Variants in GAB2 observed in about 807,000 individuals in gnomAD.
GAB2 encodes the protein GRB2-associated-binding protein 2.
GAB2 carries 26 observed loss-of-function variants against 65.5 expected under a neutral mutation model. The observed-to-expected ratio is 0.40, with a 90% CI of 0.29 to 0.55. The LOEUF is 0.55. GAB2 is among the 20% of genes least tolerant of loss of function. The pLI is 0.53. For synonymous variants in GAB2, 321 were observed against 329.6 expected, an observed-to-expected ratio of 0.97 and a Z score of 0.28; for missense variants, 884 against 875.8, an observed-to-expected ratio of 1.01 and a Z score of -0.12.
In GAB2 at chr11:78,385,675, T is replaced by G. The variant is rs534946778; in HGVS notation, c.75+31971A>C. On this transcript the variant is annotated intron_variant, in intron 1 of 9. Coordinates refer to ENST00000361507, the MANE Select transcript of GAB2 (RefSeq NM_080491.3). ...TGCAGGAGAAACTTTAGTAGGCAGTTGAGCCTTCTTAGACACCAGAAACTC... is the reference window on the plus strand; with the variant it reads ...TGCAGGAGAAACTTTAGTAGGCAGTGGAGCCTTCTTAGACACCAGAAACTC... Among the ~76,000 whole-genome samples the G allele has an allele frequency of 2.7e-4, 41 of 152,328 alleles. No individual in the cohort carries two copies. In the South Asian group the frequency reaches 8.5e-3, roughly 32 times the overall value.
chr11:78,318,916 A>G (rs1855669300), intron 1 of GAB2, among the ~76,000 whole-genome samples: 1 of 152,192 alleles, frequency 6.6e-6, no homozygotes, highest in Admixed American at 6.5e-5. Context: ...ATCCCTGGAA[A>G]TCACAACAAT....
chr11:78,274,606 C>T (rs1839086569), intron 2 of GAB2, among the ~76,000 whole-genome samples: 1 of 152,150 alleles, frequency 6.6e-6, no homozygotes, highest in Admixed American at 6.5e-5. Context: ...CTCATGTAAT[C>T]AGAGTGGTGA....
intron 1 of GAB2, among the ~76,000 whole-genome samples, chr11:78,362,681 T>C (rs533904518): frequency 6.6e-6 from 1 of 152,256 alleles, no homozygotes; most frequent in East Asian, 1.9e-4. Context: ...AGAAAGACTT[T>C]CCAGACTAAA....
chr11:78,404,946 A>T (rs1244952199), intron 1 of GAB2, among the ~76,000 whole-genome samples: 2 of 152,210 alleles, frequency 1.3e-5, no homozygotes, highest in Admixed American at 6.5e-5. Context: ...GTTTGAGGTG[A>T]TGAGTATCCT....
chr11:78,309,971 T>TGTGTGTGTGTGTGTGTGTGTGCGCGC (rs1421836447), intron 1 of GAB2, among the ~76,000 whole-genome samples: 48 of 120,174 alleles, frequency 4.0e-4, no homozygotes, highest in African/African-American at 1.6e-3. Flanking sequence ...TGTGTGTGTG[T>TGTGTGTGTGTGTGTGTGTGTGCGCGC]GCGCGCGCGC....
chr11:78,323,087 G>C (rs1240531716), intron 1 of GAB2, among the ~76,000 whole-genome samples: 1 of 152,170 alleles, frequency 6.6e-6, no homozygotes, highest in East Asian at 1.9e-4. Flanking sequence ...ATCAATGGTG[G>C]ATTGGATTTA....
chr11:78,350,103 ATGGGTC>A (rs1405965063), intron 1 of GAB2, among the ~76,000 whole-genome samples: 1 of 152,158 alleles, frequency 6.6e-6, no homozygotes, highest in Non-Finnish European at 1.5e-5. Flanking sequence ...AGTTAGGCAA[ATGGGTC>A]ATGCTGAAAG....
intron 2 of GAB2, among the ~76,000 whole-genome samples, chr11:78,253,122 G>A (rs576972310): frequency 2.3e-4 from 33 of 146,236 alleles, no homozygotes; most frequent in African/African-American, 7.2e-4. Flanking sequence ...GTGATACTCC[G>A]GCCTCAGCCT....
At chr11:78,286,674 G>A (rs1866494655) in intron 1 of GAB2, among the ~76,000 whole-genome samples, 1 of 152,094 alleles carries the variant, frequency 6.6e-6, no homozygotes, top group Non-Finnish European at 1.5e-5. Context: ...AAGAAGGACA[G>A]CAAGAGGATT....
intron 2 of GAB2, among the ~76,000 whole-genome samples, chr11:78,264,291 A>T (rs1295976945): frequency 2.0e-5 from 3 of 151,828 alleles, no homozygotes; most frequent in Admixed American, 6.6e-5. Context: ...AATTTATCCC[A>T]GTAATGTTTT....
At chr11:78,413,325 G>A (rs1857153190) in intron 1 of GAB2, among the ~76,000 whole-genome samples, 2 of 152,190 alleles carry the variant, frequency 1.3e-5, no homozygotes. Flanking sequence ...TTAAGGACTG[G>A]ATAAAAGGGT....
intron 1 of GAB2, among the ~76,000 whole-genome samples, chr11:78,316,761 T>C (rs1409958288): frequency 1.3e-5 from 2 of 152,216 alleles, no homozygotes; most frequent in Non-Finnish European, 2.9e-5. Flanking sequence ...AATTACCATA[T>C]GATCCAGTAA....
At chr11:78,413,590 G>T (rs1857156644) in intron 1 of GAB2, among the ~76,000 whole-genome samples, 1 of 152,122 alleles carries the variant, frequency 6.6e-6, no homozygotes, top group African/African-American at 2.4e-5. Flanking sequence ...AAGAAGGTGG[G>T]AGAAAGGAAG....
intron 3 of GAB2, among the ~76,000 whole-genome samples, chr11:78,232,704 G>C (rs1362499921): frequency 6.6e-6 from 1 of 152,076 alleles, no homozygotes; most frequent in Non-Finnish European, 1.5e-5. Context: ...TTTCTAAGGT[G>C]CTTAATTTAC....
chr11:78,395,153 G>A (rs1369798032), intron 1 of GAB2, among the ~76,000 whole-genome samples: 3 of 152,256 alleles, frequency 2.0e-5, no homozygotes, highest in South Asian at 4.1e-4. Flanking sequence ...TGGGGAAGAG[G>A]AGTAAAAAAA....
At chr11:78,277,445 T>C (rs1012864766) in intron 2 of GAB2, among the ~76,000 whole-genome samples, 43 of 152,192 alleles carry the variant, frequency 2.8e-4, no homozygotes, top group Non-Finnish European at 5.7e-4. Flanking sequence ...TGGTTGCAGC[T>C]GGTGCTGGGG....
At chr11:78,336,405 A>T (rs775924780) in intron 1 of GAB2, among the ~76,000 whole-genome samples, 4 of 148,516 alleles carry the variant, frequency 2.7e-5, no homozygotes, top group Non-Finnish European at 5.9e-5. Context: ...GTTGACATAT[A>T]GAAATGCTAC....
At chr11:78,360,828 C>T (rs1591065057) in intron 1 of GAB2, among the ~76,000 whole-genome samples, 1 of 152,194 alleles carries the variant, frequency 6.6e-6, no homozygotes, top group African/African-American at 2.4e-5. Context: ...CACTGCAGTC[C>T]AACCTGGGCA....
At chr11:78,324,987 A>C (rs1855796807) in intron 1 of GAB2, among the ~76,000 whole-genome samples, 1 of 152,204 alleles carries the variant, frequency 6.6e-6, no homozygotes, top group African/African-American at 2.4e-5. Context: ...TGGTAGTCTG[A>C]AATCAGTCAT....
Sources: allele counts gnomAD v4.1 joint callset (sites outside exome capture counted in the v4.1 genomes callset), GRCh38; gene constraint gnomAD v4.1.1; transcripts MANE v1.5; gene names NCBI Gene and HGNC (gene_info 2026-07-23, HGNC 2026-07-21).